GLT8D2: variants seen among roughly 807,000 people sequenced by gnomAD.
GLT8D2 encodes the protein glycosyltransferase 8 domain containing 2, also known as glycosyltransferase 8 domain-containing protein 2.
GLT8D2 carries 45 observed loss-of-function variants against 44.5 expected under a neutral mutation model. That is an observed-to-expected ratio of 1.01 (90% CI 0.80 to 1.30). The LOEUF is 1.30. Ranked by LOEUF, GLT8D2 falls within the 50% of genes most tolerant of loss-of-function variation. The probability of loss-of-function intolerance (pLI) is 0.00; values close to 1 mark genes in which losing one functional copy is unlikely to be tolerated. For missense variants in GLT8D2, 400 were observed against 430.4 expected (o/e 0.93, Z 0.62); for synonymous variants, 156 against 157.2 (o/e 0.99, Z 0.06).
chr12:104,023,042 T>C (rs1253382331), intron 1 of GLT8D2, among the ~76,000 whole-genome samples: 1 of 152,234 alleles, frequency 6.6e-6, no homozygotes, highest in Non-Finnish European at 1.5e-5. Context: ...GCCAAGGTAT[T>C]TGATACATGT....
intron 1 of GLT8D2, among the ~76,000 whole-genome samples, chr12:104,023,656 A>G (rs915471447): frequency 6.6e-6 from 1 of 152,180 alleles, no homozygotes; most frequent in African/African-American, 2.4e-5. Flanking sequence ...GCCAACACTC[A>G]AAGAATTCCC....
upstream of GLT8D2, chr12:104,064,417 C>A: frequency 2.7e-6 from 2 of 737,660 alleles, no homozygotes; most frequent in Non-Finnish European, 3.9e-6. The surrounding 1 kb of genome is among the most constrained non-coding windows in gnomAD (Gnocchi z 7.3). Flanking sequence ...CGTCTCTCCA[C>A]TGCCCGCGGG....
chr12:104,012,211 T>C (rs2136332424), intron 4 of GLT8D2, among the ~76,000 whole-genome samples: 1 of 143,050 alleles, frequency 7.0e-6, no homozygotes, highest in African/African-American at 2.6e-5. Flanking sequence ...TATATATATA[T>C]ACCTTAAACA....
intron 3 of GLT8D2, among the ~76,000 whole-genome samples, chr12:104,016,778 G>A (rs11111870): frequency 0.033 from 2,018 of 61,806 alleles, 10 homozygotes; most frequent in African/African-American, 0.038. Flanking sequence ...AAAGAAAGAA[G>A]GAAGGAAGGA....
At chr12:104,032,956 T>A (rs1421874104) in intron 1 of GLT8D2, among the ~76,000 whole-genome samples, 4 of 151,686 alleles carry the variant, frequency 2.6e-5, no homozygotes, top group Non-Finnish European at 5.9e-5. Context: ...CTTGGCTCAC[T>A]GCAACCTCCG....
chr12:104,030,857 G>A (rs549412403), intron 1 of GLT8D2: 39 of 1,576,378 alleles, frequency 2.5e-5, no homozygotes, highest in African/African-American at 8.2e-5. Context: ...CGGCTGGTAC[G>A]ACGCCGACCT....
intron 1 of GLT8D2, among the ~76,000 whole-genome samples, chr12:104,037,872 T>C (rs753424159): frequency 1.3e-4 from 20 of 152,194 alleles, no homozygotes; most frequent in Non-Finnish European, 2.1e-4. Context: ...ATATCCCTTA[T>C]GAACATCAGT....
At chr12:104,043,702 G>A (rs1017547065) in intron 1 of GLT8D2, among the ~76,000 whole-genome samples, 1 of 152,140 alleles carries the variant, frequency 6.6e-6, no homozygotes, top group Non-Finnish European at 1.5e-5. Flanking sequence ...CCTGACCTCA[G>A]GTGATCCACT....
At chr12:104,053,808 C>T (rs528711823), upstream of GLT8D2, among the ~76,000 whole-genome samples, 17 of 151,594 alleles carry the variant, frequency 1.1e-4, no homozygotes, top group African/African-American at 3.1e-4. Flanking sequence ...GGCTTGAACC[C>T]GGGAGGCGGA....
intron 1 of GLT8D2, among the ~76,000 whole-genome samples, chr12:104,041,866 G>C (rs919359690): frequency 6.6e-6 from 1 of 152,186 alleles, no homozygotes; most frequent in African/African-American, 2.4e-5. Context: ...TCAAGGAGGG[G>C]CACCTGACCA....
chr12:104,025,730 G>A (rs1196504669), intron 1 of GLT8D2, among the ~76,000 whole-genome samples: 1 of 152,116 alleles, frequency 6.6e-6, no homozygotes, highest in Non-Finnish European at 1.5e-5. Flanking sequence ...TGTTGAGAAA[G>A]CCATTTGTTG....
intron 1 of GLT8D2, among the ~76,000 whole-genome samples, chr12:104,021,927 GAAGAAGAAGAAGAAGAAGAAGAAGAA>G (rs1877784488): frequency 7.7e-5 from 2 of 26,038 alleles, no homozygotes; most frequent in African/African-American, 3.0e-4. Flanking sequence ...AGAAGAAGAA[GAAGAAGAAGAAGAAGAAGAAGAAGAA>G]GAGGAAGAAG....
intron 4 of GLT8D2, among the ~76,000 whole-genome samples, chr12:104,006,218 T>C (rs2204802): frequency 0.9 from 128,331 of 142,390 alleles, 57,764 homozygotes; most frequent in East Asian, 1. Flanking sequence ...GAACATCACA[T>C]ACCAGGTGTG....
At chr12:103,993,730 T>TCTG in intron 9 of GLT8D2, 1 of 399,864 alleles carries the variant, frequency 2.5e-6, no homozygotes, top group Non-Finnish European at 4.4e-6. Flanking sequence ...AGTGTTAATA[T>TCTG]TTTGCCATTT....
chr12:104,033,550 G>A (rs551071995), intron 1 of GLT8D2, among the ~76,000 whole-genome samples: 2 of 152,236 alleles, frequency 1.3e-5, no homozygotes, highest in East Asian at 1.9e-4. Context: ...GCCGTTATAA[G>A]ATGAGCAAGT....
At chr12:103,994,954 C>T (rs1204535052) in intron 8 of GLT8D2, among the ~76,000 whole-genome samples, 1 of 152,186 alleles carries the variant, frequency 6.6e-6, no homozygotes, top group Non-Finnish European at 1.5e-5. Flanking sequence ...CAACTCTATC[C>T]TTCTAGTTAC....
chr12:104,007,797 C>G (rs1409168342), intron 4 of GLT8D2, among the ~76,000 whole-genome samples: 1 of 152,132 alleles, frequency 6.6e-6, no homozygotes, highest in Non-Finnish European at 1.5e-5. Flanking sequence ...GTGGGAGGGA[C>G]CCAGTGGGAG....
chr12:104,062,665 G>A (rs1882765995), intron 1 of GLT8D2, among the ~76,000 whole-genome samples: 1 of 151,820 alleles, frequency 6.6e-6, no homozygotes, highest in Admixed American at 6.6e-5. Flanking sequence ...AATAGAGATG[G>A]GATCTCACCA....
At chr12:104,047,318 T>TC in intron 1 of GLT8D2, among the ~76,000 whole-genome samples, 1 of 151,288 alleles carries the variant, frequency 6.6e-6, no homozygotes, top group East Asian at 1.9e-4. Context: ...TTTTTTTTTT[T>TC]TTTGAGATGG....
Sources: gnomAD v4.1 joint callset for allele counts (sites outside exome capture counted in the v4.1 genomes callset) on GRCh38, gnomAD v4.1.1 for gene constraint, Gnocchi (gnomAD v3.1) non-coding constraint, MANE v1.5 for transcripts, NCBI Gene and HGNC (gene_info 2026-07-23, HGNC 2026-07-21) for gene names.